The following ZNF529 variants were observed in gnomAD, a reference collection of about 807,000 sequenced individuals.
The protein encoded by ZNF529 is zinc finger protein 529.
In ZNF529, 11 loss-of-function variants were observed where a neutral mutation model predicts 10.1. That is an observed-to-expected ratio of 1.09 (90% CI 0.69 to 1.81). The LOEUF (loss-of-function observed/expected upper bound fraction) is 1.81. Among genes scored for constraint, ZNF529 ranks in the 40% most tolerant of loss-of-function variants. The pLI is 0.00. For missense variants in ZNF529, 624 were observed against 666.8 expected (o/e 0.94, Z 0.71); for synonymous variants, 204 against 215.7 (o/e 0.95, Z 0.47).
chr19:36,600,489 ATCTCCAATT>A (rs1402013008), intron 1 of ZNF529, among the ~76,000 whole-genome samples: 1 of 152,316 alleles, frequency 6.6e-6, no homozygotes, highest in African/African-American at 2.4e-5. Context: ...TTATATTAGT[ATCTCCAATT>A]TCTTATTATC....
At chr19:36,584,766 CAAA>C (rs559964352) in intron 2 of ZNF529, among the ~76,000 whole-genome samples, 6 of 90,406 alleles carry the variant, frequency 6.6e-5, no homozygotes, top group Admixed American at 1.2e-4. Context: ...GACTCTGTCT[CAAA>C]AAAAAAAAAA....
upstream of ZNF529, among the ~76,000 whole-genome samples, chr19:36,576,260 G>C (rs2036315011): frequency 6.6e-6 from 1 of 152,128 alleles, no homozygotes; most frequent in Admixed American, 6.5e-5. Context: ...GAGAATGAAT[G>C]TTTCTTCTCT....
At chr19:36,575,821 GGTTTCACATGT>G (rs2036301772), upstream of ZNF529, among the ~76,000 whole-genome samples, 2 of 151,872 alleles carry the variant, frequency 1.3e-5, no homozygotes, top group Non-Finnish European at 1.5e-5. Context: ...AACTCTAAGA[GGTTTCACATGT>G]GTTTTTTTTT....
intron 1 of ZNF529, among the ~76,000 whole-genome samples, chr19:36,572,670 C>G (rs1035480625): frequency 6.6e-6 from 1 of 152,174 alleles, no homozygotes; most frequent in Non-Finnish European, 1.5e-5. Flanking sequence ...GAATACTACA[C>G]CTATGCCCTC....
chr19:36,575,700 C>T (rs2036298565), upstream of ZNF529, among the ~76,000 whole-genome samples: 1 of 152,076 alleles, frequency 6.6e-6, no homozygotes, highest in Non-Finnish European at 1.5e-5. Context: ...TTACTTTCTT[C>T]TCTACTTCCC....
At chr19:36,563,355 G>A (rs1447337994) in intron 2 of ZNF529, among the ~76,000 whole-genome samples, 4 of 150,610 alleles carry the variant, frequency 2.7e-5, no homozygotes, top group Admixed American at 1.3e-4. Flanking sequence ...CCCAGGAGGC[G>A]GAGGTTGCAG....
intron 1 of ZNF529, among the ~76,000 whole-genome samples, chr19:36,599,932 G>C (rs575143129): frequency 1.3e-5 from 2 of 151,434 alleles, no homozygotes; most frequent in African/African-American, 4.9e-5. Flanking sequence ...GTAGTGGCAC[G>C]ATCTTGGCTC....
In ZNF529 at chr19:36,551,853, T is replaced by G. The variant is rs149275838; in HGVS notation, c.235+2817A>C. On this transcript the variant is annotated intron_variant, in intron 4 of 4. Transcript: ENST00000591340. ...CTTTATTCTTATACATATCACTATA[T>G]ATGTTCTCTACTTATCTGTTTACTT... 3.3e-5 allele frequency: 5 copies of G among 152,342 alleles called. No individual in the cohort carries two copies. In the East Asian group the frequency reaches 7.7e-4, roughly 23 times the overall value. 9.4% of individuals were successfully genotyped at this position (152,342 alleles called of 1,614,324 possible).
chr19:36,547,046 T>G lies in ZNF529; in HGVS notation c.1512A>C (p.Lys504Asn), dbSNP rs745813355. ...TCCCACATGCCTTGCATTCATAGGG[T>G]TTTTCTCCAGTATGAATTCTCTGAT... Reference protein sequence around the residue: ...TEHQRIHTGEKPYECKACGKA... With the variant: ...TEHQRIHTGENPYECKACGKA... Residue 504 changes from lysine to asparagine, a missense_variant, in exon 5 of 5, where the codon AAA becomes AAC. Transcript: ENST00000591340. 1 of 1,613,842 alleles carries G rather than the reference T, an allele frequency of 6.2e-7. No homozygotes were observed. Among genetic ancestry groups the G allele is most frequent in the Non-Finnish European group, 8.5e-7 (1 of 1,179,960 alleles).
At chr19:36,581,152 A>T (rs2036454240) in intron 2 of ZNF529, 1 of 152,222 alleles carries the variant, frequency 6.6e-6, no homozygotes, top group South Asian at 2.1e-4. Context: ...AACAGTCCCC[A>T]TGATAGACTA....
In ZNF529 at chr19:36,598,275, T is replaced by A. The variant is rs138652873; in HGVS notation, c.-128+6851A>T. Among the ~76,000 whole-genome samples, 430 of 152,292 alleles carry A rather than the reference T, an allele frequency of 2.8e-3. 4 individuals are homozygous for A. Among genetic ancestry groups the A allele is most frequent in the African/African-American group, 9.2e-3 (384 of 41,564 alleles). On this transcript the variant is annotated intron_variant, in intron 1 of 4. Transcript: ENST00000585960. ...CTGTAATCCCAGCGCTTTGGGAGGC[T>A]GAGGCTGGAGGATCACTTGAGACCA...
intron 2 of ZNF529, among the ~76,000 whole-genome samples, chr19:36,588,944 T>C (rs529825586): frequency 0.17 from 3,744 of 21,908 alleles, 149 homozygotes; most frequent in African/African-American, 0.41. Flanking sequence ...AACCCCATCT[T>C]TTTTTTTTTT....
chr19:36,584,033 A>G (rs1170008686), intron 2 of ZNF529, among the ~76,000 whole-genome samples: 1 of 152,162 alleles, frequency 6.6e-6, no homozygotes, highest in Non-Finnish European at 1.5e-5. Flanking sequence ...ATGAGTGTCA[A>G]GTAGGATAAT....
At chr19:36,572,455 G>T in intron 1 of ZNF529, 63 bp from the exon 2 acceptor site, 1 of 1,308,072 alleles carries the variant, frequency 7.6e-7, no homozygotes, top group Non-Finnish European at 1.1e-6. Flanking sequence ...AGAACACAGT[G>T]TTCACCACCA....
At chr19:36,602,030 G>A (rs1385284758) in intron 1 of ZNF529, among the ~76,000 whole-genome samples, 2 of 149,894 alleles carry the variant, frequency 1.3e-5, no homozygotes, top group Non-Finnish European at 3.0e-5. Context: ...ACAGGCGTGA[G>A]CCACTGCACC....
chr19:36,557,634 G>C (rs1297344794), intron 2 of ZNF529, among the ~76,000 whole-genome samples: 1 of 152,160 alleles, frequency 6.6e-6, no homozygotes, highest in Non-Finnish European at 1.5e-5. Context: ...GTGAGTTTTG[G>C]GTGGAGATAC....
intron 1 of ZNF529, among the ~76,000 whole-genome samples, chr19:36,604,260 G>C (rs2036980910): frequency 6.6e-6 from 1 of 152,082 alleles, no homozygotes; most frequent in African/African-American, 2.4e-5. Context: ...ACCTTGCCTT[G>C]GGAGCAATTC....
Position 36,548,053 on chromosome 19 carries a change from T to C in ZNF529, c.505A>G (p.Lys169Glu). ...TCATATTCCTTGTATTCATAGGGCT[T>C]CTCACTGTCATGAGTTCTCCGAGGT... ...TLPRRTHDSE[K>E]PYEYKEYEKV... Residue 169 changes from lysine (K) to glutamate (E), a missense_variant, in exon 5 of 5, where the codon AAG (lysine) becomes GAG (glutamate). Transcript: ENST00000591340. 1 of 1,613,936 alleles carries C rather than the reference T, an allele frequency of 6.2e-7. No homozygotes were observed. Among genetic ancestry groups the C allele is most frequent in the Non-Finnish European group, 8.5e-7 (1 of 1,179,870 alleles).
intron 2 of ZNF529, among the ~76,000 whole-genome samples, chr19:36,557,914 A>C (rs573714623): frequency 9.2e-5 from 14 of 152,360 alleles, no homozygotes; most frequent in Non-Finnish European, 1.3e-4. Flanking sequence ...AGGTAGACAA[A>C]GGAAACCATA....
Sources: allele counts gnomAD v4.1 joint callset (sites outside exome capture counted in the v4.1 genomes callset), GRCh38; gene constraint gnomAD v4.1.1; transcripts MANE v1.5; gene names NCBI Gene and HGNC (gene_info 2026-07-23, HGNC 2026-07-21).